CWC22: variants seen among roughly 807,000 people sequenced by gnomAD.
The protein encoded by CWC22 is pre-mRNA-splicing factor CWC22 homolog.
Under a neutral mutation model 117.2 loss-of-function variants are expected in CWC22, and 53 were observed. The observed-to-expected ratio is 0.45, with a 90% CI of 0.36 to 0.57. CWC22 has a LOEUF of 0.57. CWC22 is among the 20% of genes least tolerant of loss of function. CWC22 has a pLI of 0.00. For missense variants in CWC22, 980 were observed against 1,068.8 expected, an observed-to-expected ratio of 0.92 and a Z score of 1.16; for synonymous variants, 360 against 355.6, an observed-to-expected ratio of 1.01 and a Z score of -0.14.
chr2:179,991,499 A>G (rs1299873664), intron 2 of CWC22, among the ~76,000 whole-genome samples: 1 of 152,212 alleles, frequency 6.6e-6, no homozygotes, highest in Non-Finnish European at 1.5e-5. Flanking sequence ...TGTGAAGGGC[A>G]TGCTAAATGA....
chr2:179,952,414 A>T lies in CWC22; in HGVS notation c.1817+57T>A. Reference sequence around the variant, plus strand: ...AGTCTCGGATGGGCTTATGTCTGCTACAATGGGAGAAAACCAGAGGTCAAT... The same window carrying T: ...AGTCTCGGATGGGCTTATGTCTGCTTCAATGGGAGAAAACCAGAGGTCAAT... On this transcript the variant is annotated intron_variant, in intron 17 of 19. Transcript: ENST00000410053. 8 of 1,366,752 alleles carry T rather than the reference A, an allele frequency of 5.9e-6. No individual in the cohort carries two copies. In the South Asian group the frequency reaches 1.1e-4, roughly 19 times the overall value. The allele number at this position is 1,366,752 out of a possible 1,614,324, so 84.7% of individuals were successfully genotyped here.
intron 2 of CWC22, among the ~76,000 whole-genome samples, chr2:179,992,843 A>G (rs1687602629): frequency 6.6e-6 from 1 of 152,268 alleles, no homozygotes; most frequent in Non-Finnish European, 1.5e-5. Flanking sequence ...AGTACAGCAC[A>G]GAATAAAGAG....
At chr2:179,969,028 T>C (rs1166731395) in intron 11 of CWC22, among the ~76,000 whole-genome samples, 5 of 152,156 alleles carry the variant, frequency 3.3e-5, no homozygotes, top group African/African-American at 1.2e-4. Context: ...TCTTTGGAGT[T>C]GCCAATAATT....
At position 179,959,066 on chromosome 2, in the gene CWC22, A is replaced by T. The variant is rs1686679311; in HGVS notation, c.1414T>A (p.Cys472Ser). 1.3e-5 allele frequency: 21 copies of T among 1,570,148 alleles called. No individual in the cohort carries two copies. The highest frequency in any genetic ancestry group is 1.7e-5 in the Non-Finnish European group (20 of 1,154,760). The change falls in exon 14 of 20, where the codon TGT becomes AGT. Residue 472 changes from cysteine to serine, a missense_variant. Around this residue, in one of 3 missense-constraint regions of CWC22, gnomAD observed 559 missense variants for 602.3 expected, o/e 0.93. Transcript: ENST00000410053. ...AIQSSLDFEECAHKLLKMEFP... is the reference protein window; with the variant it reads ...AIQSSLDFEESAHKLLKMEFP... ...TCCATTTTCAGCAATTTGTGAGCAC[A>T]TTCTTCAAAATCTAAACTGTGGAAA...
At chr2:179,957,318 A>AT (rs1185606391) in intron 14 of CWC22, among the ~76,000 whole-genome samples, 1 of 152,208 alleles carries the variant, frequency 6.6e-6, no homozygotes, top group African/African-American at 2.4e-5. Flanking sequence ...TAAAAAGATA[A>AT]TTTTTTGTCA....
intron 6 of CWC22, among the ~76,000 whole-genome samples, chr2:179,974,954 GC>G (rs1687121655): frequency 6.6e-6 from 1 of 152,042 alleles, no homozygotes; most frequent in Admixed American, 6.6e-5. Context: ...TCACAATGTT[GC>G]CCAGGCAACT....
intron 2 of CWC22, among the ~76,000 whole-genome samples, chr2:179,990,708 G>T (rs912916530): frequency 7.9e-5 from 12 of 152,190 alleles, no homozygotes; most frequent in Non-Finnish European, 1.3e-4. Flanking sequence ...CCCCAATTCT[G>T]TACTAATGAT....
chr2:179,982,138 T>C, intron 4 of CWC22, 141 bp from the exon 5 acceptor site: 1 of 613,208 alleles, frequency 1.6e-6, no homozygotes, highest in Non-Finnish European at 2.9e-6. Flanking sequence ...TGACAAAGTG[T>C]TTCACAGAGA....
intron 2 of CWC22, 89 bp from the exon 3 acceptor site, chr2:179,988,733 CT>C: frequency 1.6e-6 from 1 of 641,750 alleles, no homozygotes; most frequent in Non-Finnish European, 2.6e-6. Flanking sequence ...GTTGGAAGTA[CT>C]TTAGAAATTG....
At chr2:179,997,393 CAG>C (rs767083304) in intron 1 of CWC22, among the ~76,000 whole-genome samples, 2 of 151,474 alleles carry the variant, frequency 1.3e-5, no homozygotes, top group Non-Finnish European at 2.9e-5. Context: ...ATATTTAAAA[CAG>C]AGGCTACCCC....
chr2:179,994,671 C>G (rs1044978043), intron 1 of CWC22, among the ~76,000 whole-genome samples: 2 of 152,168 alleles, frequency 1.3e-5, no homozygotes, highest in East Asian at 3.8e-4. Flanking sequence ...AATATAACTA[C>G]AATCTAAAGC....
chr2:179,948,957 G>A (rs373144184), intron 19 of CWC22, among the ~76,000 whole-genome samples: 2 of 152,190 alleles, frequency 1.3e-5, no homozygotes, highest in Non-Finnish European at 2.9e-5. Context: ...CTACCATTAG[G>A]GGAAGTTGGA....
intron 1 of CWC22, among the ~76,000 whole-genome samples, chr2:180,004,570 T>C (rs1441000883): frequency 1.3e-5 from 2 of 152,120 alleles, no homozygotes; most frequent in Non-Finnish European, 2.9e-5. Flanking sequence ...TTTTTTTGTA[T>C]TTTTAGTAGA....
intron 6 of CWC22, among the ~76,000 whole-genome samples, chr2:179,977,727 C>CA (rs1235138338): frequency 6.6e-6 from 1 of 151,984 alleles, no homozygotes; most frequent in Non-Finnish European, 1.5e-5. Flanking sequence ...GTTCTCACCA[C>CA]AAAAAATGAC....
intron 1 of CWC22, among the ~76,000 whole-genome samples, chr2:179,995,071 T>G (rs1160723125): frequency 6.6e-6 from 1 of 152,150 alleles, no homozygotes; most frequent in Non-Finnish European, 1.5e-5. Flanking sequence ...TGAGCTGAGA[T>G]CGTGCCACTG....
Position 179,945,283 on chromosome 2 carries a change from T to C in CWC22, c.2573A>G (p.Asn858Ser), listed in dbSNP as rs753411037. ...ACTTCTTGAGCCTGAGTGCTTTCTA[T>C]TCATTTCCTTTGACTTTGATCTATC... ...RKDRSKSKEM[N>S]RKHSGSRSDE... Residue 858 changes from asparagine to serine, a missense_variant, in exon 20 of 20, where the codon AAT becomes AGT. By Grantham distance (46) the Asn-to-Ser change is conservative. Transcript: ENST00000410053. The C allele has an allele frequency of 5.6e-6, 9 of 1,613,704 alleles. No homozygotes were observed. In the East Asian group the frequency reaches 1.8e-4, roughly 32 times the overall value.
At chr2:179,948,449 GAA>G (rs1686364012) in intron 19 of CWC22, among the ~76,000 whole-genome samples, 1 of 151,972 alleles carries the variant, frequency 6.6e-6, no homozygotes, top group Non-Finnish European at 1.5e-5. Context: ...AAAGCTGGAG[GAA>G]AAAGAGATTT....
At chr2:179,978,365 T>TAAG in intron 5 of CWC22, 47 bp from the exon 6 acceptor site, 1 of 1,382,338 alleles carries the variant, frequency 7.2e-7, no homozygotes, top group Non-Finnish European at 9.4e-7. Context: ...ATTACAATAA[T>TAAG]AAGAAGCTAT....
At chr2:179,946,648 A>C (rs1199066408) in intron 19 of CWC22, among the ~76,000 whole-genome samples, 1 of 152,188 alleles carries the variant, frequency 6.6e-6, no homozygotes, top group Non-Finnish European at 1.5e-5. Flanking sequence ...CCAAAAGCTG[A>C]AATTCCAGCC....
Sources: gnomAD v4.1 joint callset for allele counts (sites outside exome capture counted in the v4.1 genomes callset) on GRCh38, gnomAD v4.1.1 for gene constraint, gnomAD v4.1.1 regional missense constraint, MANE v1.5 for transcripts, NCBI Gene and HGNC (gene_info 2026-07-23, HGNC 2026-07-21) for gene names.